Variants in GAPT observed in about 807,000 individuals in gnomAD.
GAPT encodes the protein protein GAPT.
For missense variants in GAPT, 206 were observed against 189.2 expected, an observed-to-expected ratio of 1.09 and a Z score of -0.52; for synonymous variants, 82 against 69.7, an observed-to-expected ratio of 1.18 and a Z score of -0.88.
At position 58,495,988 on chromosome 5, in the gene GAPT, C is replaced by T. The variant is rs1744437920; in HGVS notation, c.*978C>T. 1 of 167,032 alleles carries T rather than the reference C, an allele frequency of 6.0e-6. No homozygotes were observed. The highest frequency in any genetic ancestry group is 1.5e-5 in the Non-Finnish European group (1 of 68,104). 10.3% of individuals were successfully genotyped at this position (167,032 alleles called of 1,614,324 possible). A position where few individuals can be genotyped will look rare whatever the true frequency, so the allele number is the denominator to read the frequency against. On this transcript the variant is annotated 3_prime_UTR_variant, in exon 3 of 3. Transcript: ENST00000502276. ...TCAGCAGAATCATCTTAAAACCTGC[C>T]AAACTTATCCTTCCTTCACAGCTTT...
In GAPT at chr5:58,494,493, T is replaced by C; in HGVS notation, c.-44T>C. ...TACAAAGAATTACACTGTGAATTCA[T>C]TAAGGGTAACACCAAATCACTAAAC... On this transcript the variant is annotated 5_prime_UTR_variant, in exon 3 of 3. Transcript: ENST00000502276. The C allele has an allele frequency of 2.7e-6, 4 of 1,465,314 alleles. No individual in the cohort carries two copies. Among genetic ancestry groups the C allele is most frequent in the Non-Finnish European group, 3.7e-6 (4 of 1,075,910 alleles). The allele number at this position is 1,465,314 out of a possible 1,614,324, so 90.8% of individuals were successfully genotyped here.
intron 1 of GAPT, among the ~76,000 whole-genome samples, chr5:58,493,037 C>T (rs1744301902): frequency 6.6e-6 from 1 of 152,068 alleles, no homozygotes; most frequent in Non-Finnish European, 1.5e-5. Flanking sequence ...CTCATTCAGT[C>T]ACATTTTGGT....
In GAPT at chr5:58,495,258, G is replaced by A. The variant is rs764628393; in HGVS notation, c.*248G>A. 1 of 406,344 alleles carries A rather than the reference G, an allele frequency of 2.5e-6. No homozygotes were observed. Among genetic ancestry groups the A allele is most frequent in the African/African-American group, 2.0e-5 (1 of 49,178 alleles). 25.2% of individuals were successfully genotyped at this position (406,344 alleles called of 1,614,324 possible). On this transcript the variant is annotated 3_prime_UTR_variant, in exon 3 of 3. Coordinates refer to ENST00000502276, the MANE Select transcript of GAPT (RefSeq NM_001304431.2). ...AATAATAAGAACACATGGAGAGAAG[G>A]AGAGGAACAACAGACACTGGGGCCT...
At chr5:58,492,200 T>C (rs1744277120) in intron 1 of GAPT, among the ~76,000 whole-genome samples, 1 of 152,324 alleles carries the variant, frequency 6.6e-6, no homozygotes, top group South Asian at 2.1e-4. Flanking sequence ...GCTACAGAAG[T>C]GACAATAGTT....
rs1744408265 is a variant in GAPT, at chr5:58,495,049, A to G, written c.*39A>G. ...TGACTTTTGTTATTGGATGATAAAT[A>G]TTCACTGTAATTTTTCAACAGCAAA... On this transcript the variant is annotated 3_prime_UTR_variant, in exon 3 of 3. Transcript: ENST00000502276. The G allele has an allele frequency of 7.7e-7, 1 of 1,300,596 alleles. No individual in the cohort carries two copies. 80.6% of individuals were successfully genotyped at this position (1,300,596 alleles called of 1,614,324 possible).
Position 58,493,845 on chromosome 5 carries a change from A to C in GAPT, c.-291+7A>C, listed in dbSNP as rs1285529945. 6.0e-5 allele frequency: 4 copies of C among 67,102 alleles called. No individual in the cohort carries two copies. The highest frequency in any genetic ancestry group is 1.2e-4 in the Non-Finnish European group (4 of 32,246). 4.2% of individuals were successfully genotyped at this position (67,102 alleles called of 1,614,324 possible). On this transcript the variant is annotated splice_region_variant and intron_variant, in intron 2 of 2. Transcript: ENST00000502276. ...TTCACAGAAGAGGTGACAGGTAATA[A>C]AGATGATTGCACGTGTCTGTATATG...
Position 58,495,310 on chromosome 5 carries a change from G to C in GAPT, c.*300G>C. The C allele has an allele frequency of 3.3e-6, 1 of 299,382 alleles. No individual in the cohort carries two copies. The allele number at this position is 299,382 out of a possible 1,614,324, so 18.5% of individuals were successfully genotyped here. ...CTTGAGGGAGGACAGTGGAAGGAGGGAGAGGTTCAGGGAAAAAAAAAATAT... is the reference window on the plus strand; with the variant it reads ...CTTGAGGGAGGACAGTGGAAGGAGGCAGAGGTTCAGGGAAAAAAAAAATAT... On this transcript the variant is annotated 3_prime_UTR_variant, in exon 3 of 3. Transcript: ENST00000502276.
intron 1 of GAPT, among the ~76,000 whole-genome samples, 187 bp downstream of exon 1, chr5:58,491,728 C>T (rs968451636): frequency 1.3e-5 from 2 of 152,134 alleles, no homozygotes; most frequent in African/African-American, 4.8e-5. Context: ...TATGATTATG[C>T]TTTGCTGTTA....
At position 58,493,740 on chromosome 5, in the gene GAPT, A is replaced by G. The variant is rs940096019; in HGVS notation, c.-389A>G. Reference sequence around the variant, plus strand: ...TCACGCTATAATAGAGAATGGACTCATTAATATGGGATTACAGAGGAAGGA... The same window carrying G: ...TCACGCTATAATAGAGAATGGACTCGTTAATATGGGATTACAGAGGAAGGA... On this transcript the variant is annotated 5_prime_UTR_variant, in exon 2 of 3. Coordinates refer to ENST00000502276, the MANE Select transcript of GAPT (RefSeq NM_001304431.2). The G allele has an allele frequency of 6.6e-6, 1 of 152,212 alleles. No homozygotes were observed. 9.4% of individuals were successfully genotyped at this position (152,212 alleles called of 1,614,324 possible).
In GAPT at chr5:58,496,201, T is replaced by G. The variant is rs578067112; in HGVS notation, c.*1191T>G. ...TATTACCTAGCTTCATATGAAAATGTCTTAAATTCCCACCTAAATGAAAAG... is the reference window on the plus strand; with the variant it reads ...TATTACCTAGCTTCATATGAAAATGGCTTAAATTCCCACCTAAATGAAAAG... On this transcript the variant is annotated 3_prime_UTR_variant, in exon 3 of 3. Transcript: ENST00000502276. 6.1e-6 allele frequency: 1 copy of G among 164,294 alleles called. No homozygotes were observed. The highest frequency in any genetic ancestry group is 1.5e-5 in the Non-Finnish European group (1 of 68,108). The allele number at this position is 164,294 out of a possible 1,614,324, so 10.2% of individuals were successfully genotyped here. A position where few individuals can be genotyped will look rare whatever the true frequency, so the allele number is the denominator to read the frequency against.
At chr5:58,491,970 A>G (rs1744270633) in intron 1 of GAPT, among the ~76,000 whole-genome samples, 1 of 152,288 alleles carries the variant, frequency 6.6e-6, no homozygotes, top group Non-Finnish European at 1.5e-5. Context: ...GTCTTTGTTC[A>G]TGTCTCACAG....
rs58414332 is a variant in GAPT, at chr5:58,495,036, T to C, written c.*26T>C. The C allele has an allele frequency of 2.5e-3, 3,526 of 1,425,318 alleles. 81 individuals are homozygous for C. In the African/African-American group the frequency reaches 0.045, roughly 18 times the overall value. 88.3% of individuals were successfully genotyped at this position (1,425,318 alleles called of 1,614,324 possible). A position where few individuals can be genotyped will look rare whatever the true frequency, so the allele number is the denominator to read the frequency against. ...CTTTTCAAAATATTGACTTTTGTTA[T>C]TGGATGATAAATATTCACTGTAATT... On this transcript the variant is annotated 3_prime_UTR_variant, in exon 3 of 3. Transcript: ENST00000502276.
chr5:58,491,974 C>T (rs115207764), intron 1 of GAPT, among the ~76,000 whole-genome samples: 2,487 of 152,220 alleles, frequency 0.016, 56 homozygotes, highest in African/African-American at 0.056. Context: ...TTGTTCATGT[C>T]TCACAGGTTT....
chr5:58,493,025 T>C (rs530608638), intron 1 of GAPT, among the ~76,000 whole-genome samples: 3 of 152,316 alleles, frequency 2.0e-5, no homozygotes, highest in Non-Finnish European at 2.9e-5. Flanking sequence ...TTTACCTGAA[T>C]TCTCATTCAG....
rs79700589 is a variant in GAPT at position 58,495,293 on chromosome 5, A to G, written c.*283A>G. ...ACAGACACTGGGGCCTACTTGAGGG[A>G]GGACAGTGGAAGGAGGGAGAGGTTC... On this transcript the variant is annotated 3_prime_UTR_variant, in exon 3 of 3. Coordinates refer to ENST00000502276, the MANE Select transcript of GAPT (RefSeq NM_001304431.2). The G allele has an allele frequency of 0.012, 4,178 of 339,554 alleles. 144 individuals carry two copies. The highest frequency in any genetic ancestry group is 0.081 in the African/African-American group (3,807 of 47,290). 21.0% of individuals were successfully genotyped at this position (339,554 alleles called of 1,614,324 possible). A position where few individuals can be genotyped will look rare whatever the true frequency, so the allele number is the denominator to read the frequency against.
In GAPT at chr5:58,494,680, A is replaced by G. The variant is rs781694202; in HGVS notation, c.144A>G (p.Gln48=). The stretch of plus-strand genomic sequence containing the variant: ...GATTTACCTTACCGAGGTTTTTACA[A>G]AGGAGAAGCAGCAGGAGAAAAGTCT... ...ATRFTLPRFL[Q]RRSSRRKVCT... The change falls in exon 3 of 3, where the codon CAA becomes CAG. Residue 48 remains glutamine (Q), a synonymous_variant. Transcript: ENST00000502276. 2 of 1,614,022 alleles carry G rather than the reference A, an allele frequency of 1.2e-6. No individual in the cohort carries two copies. Among genetic ancestry groups the G allele is most frequent in the East Asian group, 4.5e-5 (2 of 44,866 alleles).
Position 58,495,315 on chromosome 5 carries a change from G to T in GAPT, c.*305G>T. The T allele has an allele frequency of 3.6e-6, 1 of 278,250 alleles. No homozygotes were observed. The allele number at this position is 278,250 out of a possible 1,614,324, so 17.2% of individuals were successfully genotyped here. ...GGGAGGACAGTGGAAGGAGGGAGAG[G>T]TTCAGGGAAAAAAAAAATATCAGGT... On this transcript the variant is annotated 3_prime_UTR_variant, in exon 3 of 3. Coordinates refer to ENST00000502276, the MANE Select transcript of GAPT (RefSeq NM_001304431.2).
chr5:58,495,266 C>G lies in GAPT; in HGVS notation c.*256C>G, dbSNP rs1460544700. ...GAACACATGGAGAGAAGGAGAGGAA[C>G]AACAGACACTGGGGCCTACTTGAGG... On this transcript the variant is annotated 3_prime_UTR_variant, in exon 3 of 3. Transcript: ENST00000502276. 2.7e-6 allele frequency: 1 copy of G among 370,246 alleles called. No individual in the cohort carries two copies. The highest frequency in any genetic ancestry group is 5.0e-5 in the East Asian group (1 of 20,136). The allele number at this position is 370,246 out of a possible 1,614,324, so 22.9% of individuals were successfully genotyped here. A position where few individuals can be genotyped will look rare whatever the true frequency, so the allele number is the denominator to read the frequency against.
In GAPT at chr5:58,494,870, T is replaced by C; in HGVS notation, c.334T>C (p.Tyr112His). ...TAAAGGAAAAACCGATAAGGAACTA[T>C]ATGAAAACACAGGGCAGTCTAATTT... ...KAKGKTDKEL[Y>H]ENTGQSNFEE... is the part of the protein sequence containing the mutation. The change falls in exon 3 of 3, where the codon TAT becomes CAT. Residue 112 changes from tyrosine (Y) to histidine (H), a missense_variant. Coordinates refer to ENST00000502276, the MANE Select transcript of GAPT (RefSeq NM_001304431.2). 1 of 1,613,980 alleles carries C rather than the reference T, an allele frequency of 6.2e-7. No individual in the cohort carries two copies. The highest frequency in any genetic ancestry group is 1.3e-5 in the African/African-American group (1 of 75,036).
Sources: allele counts gnomAD v4.1 joint callset (sites outside exome capture counted in the v4.1 genomes callset), GRCh38; gene constraint gnomAD v4.1.1; transcripts MANE v1.5; gene names NCBI Gene and HGNC (gene_info 2026-07-23, HGNC 2026-07-21).